The following TFAP2E variants were observed in gnomAD, a reference collection of about 807,000 sequenced individuals.
The protein encoded by TFAP2E is transcription factor AP-2 epsilon, also known as transcription factor AP-2-epsilon.
TFAP2E carries 30 observed loss-of-function variants against 37.9 expected under a neutral mutation model. That is an observed-to-expected ratio of 0.79 (90% confidence interval 0.59 to 1.07). TFAP2E has a LOEUF of 1.07. Among genes scored for constraint, TFAP2E ranks in the 50% least tolerant of loss-of-function variants. TFAP2E has a pLI of 0.00. For synonymous variants in TFAP2E, 318 were observed against 295.8 expected, an observed-to-expected ratio of 1.08 and a Z score of -0.77; for missense variants, 567 against 637.9, an observed-to-expected ratio of 0.89 and a Z score of 1.20.
In TFAP2E at chr1:35,574,119, G is replaced by A. The variant is rs1355669201; in HGVS notation, c.220G>A (p.Ala74Thr). Residue 74 changes from alanine to threonine, a missense_variant, in exon 2 of 7, where the codon GCA becomes ACA. Ala to Thr is a moderately conservative substitution (Grantham distance 58, BLOSUM62 0). Coordinates refer to ENST00000373235, the MANE Select transcript of TFAP2E (RefSeq NM_178548.4). Reference sequence around the variant, plus strand: ...CTACGGTCAGGCGCCCGACGCCGCCGCAGCCTTTCCCCACCTGGCAGGGGA... The same window carrying A: ...CTACGGTCAGGCGCCCGACGCCGCCACAGCCTTTCCCCACCTGGCAGGGGA... ...LPYGQAPDAAAAFPHLAGDPY... is the reference protein window; with the variant it reads ...LPYGQAPDAATAFPHLAGDPY... 3 of 1,457,454 alleles carry A rather than the reference G, an allele frequency of 2.1e-6. No individual in the cohort carries two copies. Among genetic ancestry groups the A allele is most frequent in the South Asian group, 1.3e-5 (1 of 79,242 alleles). The allele number at this position is 1,457,454 out of a possible 1,614,324, so 90.3% of individuals were successfully genotyped here. A position where few individuals can be genotyped will look rare whatever the true frequency, so the allele number is the denominator to read the frequency against.
At chr1:35,583,720 C>G (rs1289394601) in intron 3 of TFAP2E, among the ~76,000 whole-genome samples, 1 of 151,932 alleles carries the variant, frequency 6.6e-6, no homozygotes. Flanking sequence ...GAATCCTGTT[C>G]TGTGTGTGTG....
intron 6 of TFAP2E, among the ~76,000 whole-genome samples, chr1:35,593,278 G>A (rs1354825271): frequency 6.6e-6 from 1 of 152,096 alleles, no homozygotes; most frequent in East Asian, 1.9e-4. Flanking sequence ...TCACACCACT[G>A]CACTCCAGCC....
At chr1:35,576,902 G>A (rs1649190098) in intron 3 of TFAP2E, among the ~76,000 whole-genome samples, 1 of 151,632 alleles carries the variant, frequency 6.6e-6, no homozygotes, top group Admixed American at 6.6e-5. Flanking sequence ...GCGCGGGACG[G>A]GGCCACGCGG....
rs377214718 is a variant in TFAP2E, at chr1:35,594,685, C to T, written c.*9C>T. On this transcript the variant is annotated 3_prime_UTR_variant, in exon 7 of 7. Coordinates refer to ENST00000373235, the MANE Select transcript of TFAP2E (RefSeq NM_178548.4). ...CCAAGCATCGGAAATAACTGCTTCT[C>T]CCACCCCATCCCTAAGGGGCTCCCA... The T allele has an allele frequency of 2.0e-5, 32 of 1,613,278 alleles. No homozygotes were observed. The highest frequency in any genetic ancestry group is 1.8e-4 in the Admixed American group (11 of 60,000).
chr1:35,573,541 G>A lies in TFAP2E; in HGVS notation c.-37G>A, dbSNP rs1350473998. ...GCGCTCGCCGTCGGGCTAGGGCTCC[G>A]CCGCCGCCACGCCTCGCGCCCGGCA... On this transcript the variant is annotated 5_prime_UTR_variant, in exon 1 of 7. Transcript: ENST00000373235. This position sits in a 1 kb window ranked among gnomAD's most constrained non-coding sequence, Gnocchi z 5.9. 2.6e-6 allele frequency: 4 copies of A among 1,510,876 alleles called. No individual in the cohort carries two copies. The highest frequency in any genetic ancestry group is 2.9e-5 in the African/African-American group (2 of 68,908). The allele number at this position is 1,510,876 out of a possible 1,614,324, so 93.6% of individuals were successfully genotyped here.
chr1:35,588,541 T>G lies in TFAP2E; in HGVS notation c.774T>G (p.Gly258=). 6.3e-7 allele frequency: 1 copy of G among 1,582,896 alleles called. No individual in the cohort carries two copies. Among genetic ancestry groups the G allele is most frequent in the Non-Finnish European group, 8.6e-7 (1 of 1,162,440 alleles). The change falls in exon 4 of 7, where the codon GGT becomes GGG. Residue 258 remains glycine (G), a synonymous_variant. Coordinates refer to ENST00000373235, the MANE Select transcript of TFAP2E (RefSeq NM_178548.4). The surrounding 1 kb of genome is among the most constrained non-coding windows in gnomAD (Gnocchi z 5.1). ...PECLNASLLG[G]VLRRAKSKNG... ...GCCTCAACGCCTCCCTCCTGGGGGG[T>G]GTCCTCCGCAGGTAGGAAGGCCAGC...
At position 35,590,579 on chromosome 1, in the gene TFAP2E, T is replaced by C; in HGVS notation, c.905-55T>C. ...GACCAGGGGGTCAGAGGTTCAAAGCTGTGTTCCAGGCGCAGAGGTACACCC... is the reference window on the plus strand; with the variant it reads ...GACCAGGGGGTCAGAGGTTCAAAGCCGTGTTCCAGGCGCAGAGGTACACCC... On this transcript the variant is annotated intron_variant, in intron 5 of 6. Coordinates refer to ENST00000373235, the MANE Select transcript of TFAP2E (RefSeq NM_178548.4). This position sits in a 1 kb window ranked among gnomAD's most constrained non-coding sequence, Gnocchi z 6.2. 7.1e-7 allele frequency: 1 copy of C among 1,412,692 alleles called. No homozygotes were observed. Among genetic ancestry groups the C allele is most frequent in the Admixed American group, 2.5e-5 (1 of 39,694 alleles). The allele number at this position is 1,412,692 out of a possible 1,614,324, so 87.5% of individuals were successfully genotyped here. A position where few individuals can be genotyped will look rare whatever the true frequency, so the allele number is the denominator to read the frequency against.
At chr1:35,591,651 G>T (rs527444209) in intron 6 of TFAP2E, among the ~76,000 whole-genome samples, 1 of 152,180 alleles carries the variant, frequency 6.6e-6, no homozygotes, top group African/African-American at 2.4e-5. Flanking sequence ...GCACCTCAGG[G>T]CCTGTTTAAC....
Position 35,573,570 on chromosome 1 carries a change from A to T in TFAP2E, c.-8A>T, listed in dbSNP as rs1649071619. 1.3e-6 allele frequency: 2 copies of T among 1,527,748 alleles called. No homozygotes were observed. The highest frequency in any genetic ancestry group is 1.2e-5 in the South Asian group (1 of 81,632). The allele number at this position is 1,527,748 out of a possible 1,614,324, so 94.6% of individuals were successfully genotyped here. A position where few individuals can be genotyped will look rare whatever the true frequency, so the allele number is the denominator to read the frequency against. On this transcript the variant is annotated 5_prime_UTR_variant, in exon 1 of 7. Coordinates refer to ENST00000373235, the MANE Select transcript of TFAP2E (RefSeq NM_178548.4). This position sits in a 1 kb window ranked among gnomAD's most constrained non-coding sequence, Gnocchi z 5.9. ...CCGCCACGCCTCGCGCCCGGCACTC[A>T]CCGCCCCATGCTGGTGCACACCTAC...
intron 6 of TFAP2E, among the ~76,000 whole-genome samples, chr1:35,593,460 C>T (rs1033000550): frequency 5.9e-5 from 9 of 152,186 alleles, no homozygotes; most frequent in African/African-American, 1.7e-4. Flanking sequence ...GGTTTGTTTC[C>T]GGCTTAGAAC....
chr1:35,580,134 C>T (rs184384699), intron 3 of TFAP2E, among the ~76,000 whole-genome samples: 237 of 152,144 alleles, frequency 1.6e-3, no homozygotes, highest in African/African-American at 5.4e-3. Context: ...CGCTTGAACC[C>T]GGGAGGCGGA....
At chr1:35,585,073 G>A (rs1384421695) in intron 3 of TFAP2E, among the ~76,000 whole-genome samples, 2 of 152,064 alleles carry the variant, frequency 1.3e-5, no homozygotes, top group Non-Finnish European at 2.9e-5. Flanking sequence ...GAGGGAGCTG[G>A]GGGGCAGGGG....
In TFAP2E at chr1:35,588,591, C is replaced by T. The variant is rs61776880; in HGVS notation, c.785+39C>T. ...CCCACAATTCCCCGCCTGATTGGATCCCTGGCCTCTTCAGGCCTTCTCAAG... is the reference window on the plus strand; with the variant it reads ...CCCACAATTCCCCGCCTGATTGGATTCCTGGCCTCTTCAGGCCTTCTCAAG... On this transcript the variant is annotated intron_variant, in intron 4 of 6. Coordinates refer to ENST00000373235, the MANE Select transcript of TFAP2E (RefSeq NM_178548.4). This position sits in a 1 kb window ranked among gnomAD's most constrained non-coding sequence, Gnocchi z 5.1. The T allele has an allele frequency of 6.1e-3, 9,331 of 1,528,098 alleles. 42 individuals are homozygous for T. The highest frequency in any genetic ancestry group is 7.5e-3 in the Non-Finnish European group (8,544 of 1,134,428). 94.7% of individuals were successfully genotyped at this position (1,528,098 alleles called of 1,614,324 possible).
Position 35,590,559 on chromosome 1 carries a change from G to C in TFAP2E, c.905-75G>C. On this transcript the variant is annotated intron_variant, in intron 5 of 6. Coordinates refer to ENST00000373235, the MANE Select transcript of TFAP2E (RefSeq NM_178548.4). The surrounding 1 kb of genome is among the most constrained non-coding windows in gnomAD (Gnocchi z 6.2). Reference sequence around the variant, plus strand: ...GGATGGGGCAGGATACCCCTGACCAGGGGGTCAGAGGTTCAAAGCTGTGTT... The same window carrying C: ...GGATGGGGCAGGATACCCCTGACCACGGGGTCAGAGGTTCAAAGCTGTGTT... 7.2e-7 allele frequency: 1 copy of C among 1,386,552 alleles called. No individual in the cohort carries two copies. The highest frequency in any genetic ancestry group is 2.6e-5 in the Admixed American group (1 of 38,562). 85.9% of individuals were successfully genotyped at this position (1,386,552 alleles called of 1,614,324 possible).
chr1:35,589,806 A>G, intron 4 of TFAP2E, 124 bp from the exon 5 acceptor site: 1 of 969,774 alleles, frequency 1.0e-6, no homozygotes, highest in South Asian at 1.4e-5. Context: ...GAGCATCCCC[A>G]GGACCAATCC....
rs759599820 is a variant in TFAP2E, at chr1:35,589,930, G to A, written c.786G>A (p.Arg262=). Residue 262 remains arginine, a splice_region_variant and synonymous_variant, in exon 5 of 7, where the codon AGG becomes AGA. Transcript: ENST00000373235. ...TCTGTCTGTCTCTGTGCATGTCAAG[G>A]GCCAAGTCCAAAAATGGGGGCCGGT... The part of the protein sequence containing the change: ...NASLLGGVLR[R]AKSKNGGRCL... 4.3e-6 allele frequency: 7 copies of A among 1,613,820 alleles called. No individual in the cohort carries two copies. The South Asian group carries it at 7.7e-5, about 18-fold the overall frequency.
chr1:35,594,785 AAG>A lies in TFAP2E; in HGVS notation c.*113_*114del. The A allele has an allele frequency of 6.7e-7, 1 of 1,497,016 alleles. No homozygotes were observed. Among genetic ancestry groups the A allele is most frequent in the Non-Finnish European group, 9.0e-7 (1 of 1,112,090 alleles). The allele number at this position is 1,497,016 out of a possible 1,614,324, so 92.7% of individuals were successfully genotyped here. A position where few individuals can be genotyped will look rare whatever the true frequency, so the allele number is the denominator to read the frequency against. On this transcript the variant is annotated 3_prime_UTR_variant, in exon 7 of 7. Coordinates refer to ENST00000373235, the MANE Select transcript of TFAP2E (RefSeq NM_178548.4). The stretch of plus-strand genomic sequence containing the variant: ...AAGGTGGGATTAGAGTCAGGCCAGA[AAG>A]AGAACATTCATCCAGAGATCCCAGA...
chr1:35,591,963 C>T (rs550940107), intron 6 of TFAP2E, among the ~76,000 whole-genome samples: 132 of 152,078 alleles, frequency 8.7e-4, no homozygotes, highest in African/African-American at 3.1e-3. Flanking sequence ...TCTGGAATTA[C>T]AGGTGTGAAC....
Position 35,574,238 on chromosome 1 carries a change from T to A in TFAP2E, c.339T>A (p.Pro113=). 7.8e-7 allele frequency: 1 copy of A among 1,283,540 alleles called. No individual in the cohort carries two copies. Among genetic ancestry groups the A allele is most frequent in the Non-Finnish European group, 9.9e-7 (1 of 1,010,734 alleles). 79.5% of individuals were successfully genotyped at this position (1,283,540 alleles called of 1,614,324 possible). A position where few individuals can be genotyped will look rare whatever the true frequency, so the allele number is the denominator to read the frequency against. Residue 113 remains proline (P), a synonymous_variant, in exon 2 of 7, where the codon CCT becomes CCA. Transcript: ENST00000373235. ...PRAAARAHEE[P]PGLLAPPARA... ...CAGCCGCCCGCGCCCACGAGGAGCC[T>A]CCCGGCCTGCTGGCACCGCCCGCCC... is the stretch of plus-strand genomic sequence containing the variant.
Sources: gnomAD v4.1 joint callset for allele counts (sites outside exome capture counted in the v4.1 genomes callset) on GRCh38, gnomAD v4.1.1 for gene constraint, Gnocchi (gnomAD v3.1) non-coding constraint, MANE v1.5 for transcripts, NCBI Gene and HGNC (gene_info 2026-07-23, HGNC 2026-07-21) for gene names.